LUZP2: variants seen among roughly 807,000 people sequenced by gnomAD.
LUZP2 encodes the protein leucine zipper protein 2.
LUZP2 carries 52 observed loss-of-function variants against 51.6 expected under a neutral mutation model. That is an observed-to-expected ratio of 1.01 (90% confidence interval 0.81 to 1.27). The LOEUF is 1.27. Among genes scored for constraint, LUZP2 ranks in the 50% most tolerant of loss-of-function variants. The probability of loss-of-function intolerance (pLI) is 0.00; values close to 1 mark genes in which losing one functional copy is unlikely to be tolerated. For synonymous variants in LUZP2, 154 were observed against 137.3 expected (o/e 1.12, Z -0.85); for missense variants, 436 against 395.4 (o/e 1.10, Z -0.87).
chr11:24,949,001 T>C (rs988565210), intron 7 of LUZP2, among the ~76,000 whole-genome samples: 4 of 151,556 alleles, frequency 2.6e-5, no homozygotes, highest in African/African-American at 9.7e-5. Flanking sequence ...ACCTACTATG[T>C]ACCCGCAAAA....
At chr11:24,801,891 C>T (rs113220264) in intron 5 of LUZP2, among the ~76,000 whole-genome samples, 3,209 of 150,766 alleles carry the variant, frequency 0.021, 102 homozygotes, top group African/African-American at 0.067. Context: ...CTGTCATTTG[C>T]AAATAGGTTT....
Position 25,019,122 on chromosome 11 carries a change from T to C in LUZP2, c.766-30916T>C, listed in dbSNP as rs1590842206. 3.9e-5 allele frequency among the ~76,000 whole-genome samples: 6 copies of C among 152,318 alleles called. No homozygotes were observed. In the South Asian group the frequency reaches 1.2e-3, roughly 32 times the overall value. On this transcript the variant is annotated intron_variant, in intron 9 of 11. Coordinates refer to ENST00000336930, the MANE Select transcript of LUZP2 (RefSeq NM_001009909.4). ...GGTCATTGAAGTCTATATTTTACAT[T>C]AGCGTTTGCTCTTGGTGTTGTATAT...
At chr11:24,797,205 T>C (rs963876339) in intron 5 of LUZP2, among the ~76,000 whole-genome samples, 4 of 152,140 alleles carry the variant, frequency 2.6e-5, no homozygotes, top group Non-Finnish European at 5.9e-5. Flanking sequence ...ACTATCACAT[T>C]ACGATATGTC....
At chr11:24,668,633 C>G (rs1856295174) in intron 1 of LUZP2, among the ~76,000 whole-genome samples, 1 of 152,120 alleles carries the variant, frequency 6.6e-6, no homozygotes, top group African/African-American at 2.4e-5. Context: ...TTCCACATGG[C>G]AAAGAGTCAT....
In LUZP2 at chr11:24,598,955, T is replaced by C. The variant is rs536657132; in HGVS notation, c.62+101650T>C. ...GGTCTATTCAAACGGCCAAATGTTTTGTTGTTGTTGTTGTTTTCATTCTCT... is the reference window on the plus strand; with the variant it reads ...GGTCTATTCAAACGGCCAAATGTTTCGTTGTTGTTGTTGTTTTCATTCTCT... On this transcript the variant is annotated intron_variant, in intron 1 of 11. Coordinates refer to ENST00000336930, the MANE Select transcript of LUZP2 (RefSeq NM_001009909.4). Among the ~76,000 whole-genome samples, 187 of 152,240 alleles carry C rather than the reference T, an allele frequency of 1.2e-3. 1 individual carries two copies. The highest frequency in any genetic ancestry group is 2.2e-3 in the Non-Finnish European group (147 of 68,006).
intron 4 of LUZP2, among the ~76,000 whole-genome samples, chr11:24,756,672 A>G (rs1360411823): frequency 6.6e-6 from 1 of 152,172 alleles, no homozygotes; most frequent in Non-Finnish European, 1.5e-5. Context: ...CCATACCACA[A>G]CAATTAACAC....
chr11:24,700,377 T>G (rs562321239), intron 1 of LUZP2, among the ~76,000 whole-genome samples: 1 of 152,294 alleles, frequency 6.6e-6, no homozygotes, highest in South Asian at 2.1e-4. Flanking sequence ...TTTCCTGAAC[T>G]TTTTAGGTCA....
intron 1 of LUZP2, among the ~76,000 whole-genome samples, chr11:24,546,130 T>G (rs1851533051): frequency 1.3e-5 from 2 of 152,126 alleles, no homozygotes; most frequent in African/African-American, 4.8e-5. Flanking sequence ...TACATTAATT[T>G]TGTATGTTGA....
At chr11:24,778,762 G>T (rs1461723195) in intron 5 of LUZP2, among the ~76,000 whole-genome samples, 1 of 152,170 alleles carries the variant, frequency 6.6e-6, no homozygotes, top group African/African-American at 2.4e-5. Flanking sequence ...CATCATCTGG[G>T]AAAAGTCAAA....
chr11:24,963,840 A>G (rs182354562), intron 7 of LUZP2, among the ~76,000 whole-genome samples: 201 of 152,206 alleles, frequency 1.3e-3, no homozygotes, highest in African/African-American at 4.7e-3. Context: ...AAATGCAGAA[A>G]TCACCCGTCT....
At chr11:24,514,564 C>G (rs73429128) in intron 1 of LUZP2, among the ~76,000 whole-genome samples, 3,281 of 152,256 alleles carry the variant, frequency 0.022, 118 homozygotes, top group African/African-American at 0.074. Flanking sequence ...ATAAATTTCA[C>G]TTTGTGGGGA....
chr11:24,843,722 A>G (rs1851106445), intron 5 of LUZP2, among the ~76,000 whole-genome samples: 1 of 152,104 alleles, frequency 6.6e-6, no homozygotes, highest in African/African-American at 2.4e-5. Flanking sequence ...CCCACATATC[A>G]TGGGAGGTGC....
At chr11:24,899,622 G>A (rs1434741623) in intron 5 of LUZP2, among the ~76,000 whole-genome samples, 3 of 152,086 alleles carry the variant, frequency 2.0e-5, no homozygotes, top group African/African-American at 7.2e-5. Flanking sequence ...TATATGCTAT[G>A]CAAACTGCAA....
chr11:24,672,450 ATATT>A (rs1292290038), intron 1 of LUZP2, among the ~76,000 whole-genome samples: 3 of 152,228 alleles, frequency 2.0e-5, no homozygotes, highest in Admixed American at 6.5e-5. Context: ...ATATGCTACT[ATATT>A]TAATTCATTG....
chr11:24,538,553 A>G (rs1389150651), intron 1 of LUZP2, among the ~76,000 whole-genome samples: 1 of 151,666 alleles, frequency 6.6e-6, no homozygotes, highest in African/African-American at 2.4e-5. Flanking sequence ...TTATTTTAAT[A>G]AAGTTGTTAG....
chr11:24,611,592 A>G lies in LUZP2; in HGVS notation c.62+114287A>G, dbSNP rs1044373746. Reference sequence around the variant, plus strand: ...GGGAGGCAGTTACTGGAAAGTAAAAATGGAACTTACGAGACTATGGAGATG... The same window carrying G: ...GGGAGGCAGTTACTGGAAAGTAAAAGTGGAACTTACGAGACTATGGAGATG... On this transcript the variant is annotated intron_variant, in intron 1 of 11. Transcript: ENST00000336930. This position sits in a 1 kb window ranked among gnomAD's most constrained non-coding sequence, Gnocchi z 4.6. 1.3e-5 allele frequency among the ~76,000 whole-genome samples: 2 copies of G among 152,142 alleles called. No homozygotes were observed. The highest frequency in any genetic ancestry group is 3.8e-4 in the East Asian group (2 of 5,196).
chr11:25,000,536 A>C (rs1321215770), intron 9 of LUZP2, among the ~76,000 whole-genome samples: 1 of 152,124 alleles, frequency 6.6e-6, no homozygotes, highest in Non-Finnish European at 1.5e-5. Flanking sequence ...TTCTGGAGGA[A>C]ACAAATTTGA....
At chr11:25,023,339 G>C (rs7942911) in intron 9 of LUZP2, among the ~76,000 whole-genome samples, 1 of 151,630 alleles carries the variant, frequency 6.6e-6, no homozygotes, top group African/African-American at 2.4e-5. Flanking sequence ...TGGTCTATTC[G>C]GGGATTCAAC....
chr11:24,602,038 A>G (rs1413498698), intron 1 of LUZP2, among the ~76,000 whole-genome samples: 2 of 143,590 alleles, frequency 1.4e-5, no homozygotes, highest in Non-Finnish European at 3.0e-5. Context: ...ATATATGTAT[A>G]TCTGTATATA....
Sources: gnomAD v4.1 joint callset for allele counts (sites outside exome capture counted in the v4.1 genomes callset) on GRCh38, gnomAD v4.1.1 for gene constraint, Gnocchi (gnomAD v3.1) non-coding constraint, MANE v1.5 for transcripts, NCBI Gene and HGNC (gene_info 2026-07-23, HGNC 2026-07-21) for gene names.